The following LUZP1 variants were observed in gnomAD, a reference collection of about 807,000 sequenced individuals.
LUZP1 encodes leucine zipper protein 1.
In LUZP1, 25 loss-of-function variants were observed where a neutral mutation model predicts 71.3. That is an observed-to-expected ratio of 0.35 (90% CI 0.26 to 0.49). The LOEUF (loss-of-function observed/expected upper bound fraction) is 0.49. Among genes scored for constraint, LUZP1 ranks in the 20% least tolerant of loss-of-function variants. The probability of loss-of-function intolerance (pLI) is 0.99; values close to 1 mark genes in which losing one functional copy is unlikely to be tolerated. For synonymous variants in LUZP1, 481 were observed against 506.4 expected, an observed-to-expected ratio of 0.95 and a Z score of 0.67; for missense variants, 1,142 against 1,300.8, an observed-to-expected ratio of 0.88 and a Z score of 1.88.
intron 2 of LUZP1, among the ~76,000 whole-genome samples, chr1:23,147,381 C>CA (rs951165253): frequency 2.0e-5 from 3 of 149,504 alleles, no homozygotes; most frequent in Non-Finnish European, 4.4e-5. Flanking sequence ...GCAGAAGTTG[C>CA]AGTGAGCCGA....
intron 3 of LUZP1, among the ~76,000 whole-genome samples, chr1:23,105,058 C>A (rs1297637212): frequency 2.0e-5 from 3 of 152,204 alleles, no homozygotes; most frequent in African/African-American, 7.2e-5. Context: ...AGCAAATTTG[C>A]AACCTGTATT....
At chr1:23,089,407 G>A (rs758993034) in intron 4 of LUZP1, among the ~76,000 whole-genome samples, 1 of 152,174 alleles carries the variant, frequency 6.6e-6, no homozygotes, top group Non-Finnish European at 1.5e-5. Flanking sequence ...CATGCAGGCC[G>A]CATGATTCTG....
chr1:23,118,260 G>A (rs533593730), intron 2 of LUZP1, among the ~76,000 whole-genome samples: 36 of 151,742 alleles, frequency 2.4e-4, no homozygotes, highest in African/African-American at 7.5e-4. Flanking sequence ...AGCTAGGCAT[G>A]GTGGCACACA....
intron 2 of LUZP1, among the ~76,000 whole-genome samples, chr1:23,155,778 G>A (rs939786626): frequency 2.0e-5 from 3 of 152,052 alleles, no homozygotes; most frequent in African/African-American, 7.2e-5. Flanking sequence ...ACTCCAGCCT[G>A]GGCAACAAGA....
intron 4 of LUZP1, chr1:23,090,857 T>A (rs1557623467): frequency 1.4e-6 from 1 of 717,446 alleles, no homozygotes; most frequent in Non-Finnish European, 2.6e-6. Flanking sequence ...CTTGTGCTTT[T>A]CATGCTGTTC....
At position 23,094,094 on chromosome 1, in the gene LUZP1, A is replaced by C; in HGVS notation, c.168T>G (p.Gly56=). ...TCTCCGCCAACATGCTGGAGTTGCT[A>C]CCTTCTGCCTGAATCACCTTGTCCT... Residue 56 remains glycine, a synonymous_variant, in exon 4 of 5, where the codon GGT becomes GGG. Coordinates refer to ENST00000302291, the Ensembl canonical transcript of LUZP1. The surrounding 1 kb of genome is among the most constrained non-coding windows in gnomAD (Gnocchi z 4.7). 6.2e-7 allele frequency: 1 copy of C among 1,614,074 alleles called. No homozygotes were observed. The highest frequency in any genetic ancestry group is 8.5e-7 in the Non-Finnish European group (1 of 1,180,002).
At chr1:23,138,441 G>T (rs993964260) in intron 2 of LUZP1, among the ~76,000 whole-genome samples, 1 of 152,096 alleles carries the variant, frequency 6.6e-6, no homozygotes, top group African/African-American at 2.4e-5. Context: ...AAAATGTCCA[G>T]AATAGGCAAA....
At chr1:23,118,296 C>T (rs1037258564) in intron 2 of LUZP1, among the ~76,000 whole-genome samples, 1 of 151,500 alleles carries the variant, frequency 6.6e-6, no homozygotes, top group Non-Finnish European at 1.5e-5. Context: ...ACTCAGGAGG[C>T]TGAGGCAACG....
At chr1:23,142,882 T>C (rs1320864331) in intron 2 of LUZP1, among the ~76,000 whole-genome samples, 2 of 151,674 alleles carry the variant, frequency 1.3e-5, no homozygotes, top group African/African-American at 4.9e-5. Flanking sequence ...AAAGAATGAA[T>C]AGGCCAGGCA....
chr1:23,103,903 G>GT, intron 3 of LUZP1, among the ~76,000 whole-genome samples: 1 of 44,704 alleles, frequency 2.2e-5, no homozygotes, highest in Non-Finnish European at 4.4e-5. Flanking sequence ...AGGGAGGGAG[G>GT]GGGGAAGGAG....
intron 1 of LUZP1, among the ~76,000 whole-genome samples, chr1:23,173,813 C>T (rs1293410551): frequency 7.7e-6 from 1 of 129,674 alleles, no homozygotes; most frequent in African/African-American, 2.7e-5. Context: ...GATCCCATCT[C>T]CTCCTTCGTG....
intron 1 of LUZP1, among the ~76,000 whole-genome samples, chr1:23,170,253 C>T (rs531010596): frequency 2.6e-5 from 4 of 152,284 alleles, no homozygotes; most frequent in South Asian, 2.1e-4. Flanking sequence ...GGAGCTCAAG[C>T]TCTGATGCCA....
intron 2 of LUZP1, among the ~76,000 whole-genome samples, chr1:23,136,636 C>A (rs750561940): frequency 6.6e-6 from 1 of 152,134 alleles, no homozygotes; most frequent in Non-Finnish European, 1.5e-5. Context: ...CCGACGGGCA[C>A]GGTGGCTCAC....
chr1:23,112,863 C>A (rs139566275), intron 2 of LUZP1, among the ~76,000 whole-genome samples: 84 of 152,304 alleles, frequency 5.5e-4, no homozygotes, highest in African/African-American at 1.9e-3. Context: ...TGTGTAAATT[C>A]TACCCAGTCT....
chr1:23,113,346 G>A (rs887732860), intron 2 of LUZP1, among the ~76,000 whole-genome samples: 9 of 151,818 alleles, frequency 5.9e-5, no homozygotes, highest in African/African-American at 1.2e-4. Flanking sequence ...AGTCAAGGCT[G>A]CAGTGAGCCA....
intron 2 of LUZP1, among the ~76,000 whole-genome samples, chr1:23,130,539 T>G (rs1182299428): frequency 6.7e-6 from 1 of 150,210 alleles, no homozygotes; most frequent in Admixed American, 6.6e-5. Flanking sequence ...TTTTTTTTTT[T>G]TTTTTTTAGA....
At chr1:23,147,712 A>T (rs1166427904) in intron 2 of LUZP1, among the ~76,000 whole-genome samples, 1 of 151,790 alleles carries the variant, frequency 6.6e-6, no homozygotes, top group African/African-American at 2.4e-5. Context: ...ATTAGCTACT[A>T]CTGTTAATAT....
At chr1:23,098,243 A>T (rs1186221151) in intron 3 of LUZP1, among the ~76,000 whole-genome samples, 1 of 152,328 alleles carries the variant, frequency 6.6e-6, no homozygotes, top group East Asian at 1.9e-4. Context: ...GTACAGAAGG[A>T]GGTGAAGAAT....
chr1:23,092,599 C>G (rs1396871644), exon 4 of LUZP1: 1 of 1,614,188 alleles, frequency 6.2e-7, no homozygotes, highest in Admixed American at 1.7e-5. Flanking sequence ...GAGTTTGCAG[C>G]CTGAGTTACT....
Sources: allele counts gnomAD v4.1 joint callset (sites outside exome capture counted in the v4.1 genomes callset), GRCh38; gene constraint gnomAD v4.1.1; non-coding constraint Gnocchi (gnomAD v3.1); transcripts MANE v1.5; gene names NCBI Gene and HGNC (gene_info 2026-07-23, HGNC 2026-07-21).